Variants in FHOD3 observed in about 807,000 individuals in gnomAD.
FHOD3 encodes the protein FH1/FH2 domain-containing protein 3.
In FHOD3, 90 loss-of-function variants were observed where a neutral mutation model predicts 173.0. The observed-to-expected ratio is 0.52, with a 90% confidence interval of 0.44 to 0.62. FHOD3 has a LOEUF of 0.62. Ranked by LOEUF, FHOD3 falls within the 20% of genes least tolerant of loss-of-function variation. The pLI, the probability that FHOD3 is intolerant of heterozygous loss-of-function variation, is 0.00. For synonymous variants in FHOD3, 828 were observed against 823.0 expected, an observed-to-expected ratio of 1.01 and a Z score of -0.10; for missense variants, 1,945 against 2,034.7, an observed-to-expected ratio of 0.96 and a Z score of 0.85.
chr18:36,515,893 T>A (rs923048893), intron 5 of FHOD3, among the ~76,000 whole-genome samples: 2 of 152,228 alleles, frequency 1.3e-5, no homozygotes, highest in African/African-American at 4.8e-5. Context: ...TGCCTTTGCA[T>A]GCCTATGTCT....
At chr18:36,763,495 TATATA>T (rs564957799) in intron 27 of FHOD3, among the ~76,000 whole-genome samples, 85 of 142,646 alleles carry the variant, frequency 6.0e-4, no homozygotes, top group South Asian at 3.0e-3. Flanking sequence ...ATACACGTTA[TATATA>T]ATATGTGTAT....
intron 9 of FHOD3, among the ~76,000 whole-genome samples, chr18:36,621,936 C>T (rs768711940): frequency 1.3e-5 from 2 of 152,140 alleles, no homozygotes; most frequent in African/African-American, 2.4e-5. Context: ...GTGGAACCAA[C>T]CAAAATGTCC....
chr18:36,546,745 C>G (rs1026230878), intron 5 of FHOD3, among the ~76,000 whole-genome samples: 1 of 152,134 alleles, frequency 6.6e-6, no homozygotes, highest in Non-Finnish European at 1.5e-5. Flanking sequence ...GCACATCATG[C>G]ATTTGGAGTG....
chr18:36,669,426 T>G (rs2037390686), intron 14 of FHOD3, among the ~76,000 whole-genome samples: 1 of 151,994 alleles, frequency 6.6e-6, no homozygotes, highest in South Asian at 2.1e-4. Context: ...AACCATTTAA[T>G]GTGATTATTG....
In FHOD3 at chr18:36,611,995, T is replaced by C. The variant is rs978135845; in HGVS notation, c.857T>C (p.Val286Ala). The C allele has an allele frequency of 3.1e-6, 5 of 1,614,118 alleles. No homozygotes were observed. The highest frequency in any genetic ancestry group is 3.4e-6 in the Non-Finnish European group (4 of 1,180,004). ...LPDQDTFYDVVDCLEELGIAA... is the reference protein window; with the variant it reads ...LPDQDTFYDVADCLEELGIAA... ...GACCAAGACACCTTCTACGACGTCG[T>C]GGACTGCCTGGAGGAGCTGGGCATT... Residue 286 changes from valine to alanine, a missense_variant, in exon 9 of 29, where the codon GTG becomes GCG. Physicochemically the swap from Val to Ala is moderately conservative, Grantham distance 64. Around this residue, in one of 5 missense-constraint regions of FHOD3, gnomAD observed 1,099 missense variants for 1,051.2 expected, o/e 1.05. Transcript: ENST00000590592.
At chr18:36,474,557 T>C (rs1386862944) in intron 3 of FHOD3, among the ~76,000 whole-genome samples, 1 of 152,054 alleles carries the variant, frequency 6.6e-6, no homozygotes, top group African/African-American at 2.4e-5. Flanking sequence ...AGCCTGGCAG[T>C]CCCTGGAATC....
At chr18:36,438,709 G>A (rs58221673) in intron 3 of FHOD3, among the ~76,000 whole-genome samples, 1,899 of 152,268 alleles carry the variant, frequency 0.012, 35 homozygotes, top group African/African-American at 0.043. Context: ...AGTGCTCTCC[G>A]TCCATGCCCT....
chr18:36,653,027 T>C (rs774222168), intron 12 of FHOD3, 98 bp downstream of exon 12: 71 of 1,428,740 alleles, frequency 5.0e-5, no homozygotes, highest in Non-Finnish European at 6.5e-5. Context: ...CCATGTTTTT[T>C]TGTGGATTTC....
intron 24 of FHOD3, 107 bp from the exon 25 acceptor site, chr18:36,755,012 A>ATTATTAT (rs1600573668): frequency 8.6e-6 from 2 of 231,260 alleles, no homozygotes; most frequent in South Asian, 2.4e-4. Context: ...TATTATTATT[A>ATTATTAT]TTATTTATTT....
chr18:36,306,673 G>C (rs2092108426), intron 1 of FHOD3, among the ~76,000 whole-genome samples: 1 of 152,188 alleles, frequency 6.6e-6, no homozygotes, highest in African/African-American at 2.4e-5. Context: ...CATGAAGGCA[G>C]AGTTTTTTGT....
In FHOD3 at chr18:36,594,826, G is replaced by A. The variant is rs551483382; in HGVS notation, c.646G>A (p.Val216Ile). The A allele has an allele frequency of 1.1e-4, 178 of 1,613,914 alleles. No individual in the cohort carries two copies. The Middle Eastern group carries it at 1.7e-3, about 15-fold the overall frequency. Residue 216 changes from valine to isoleucine, a missense_variant, in exon 7 of 29, where the codon GTC becomes ATC. Around this residue, in one of 5 missense-constraint regions of FHOD3, gnomAD observed 16 missense variants for 34.0 expected, o/e 0.47. Coordinates refer to ENST00000590592, the MANE Select transcript of FHOD3 (RefSeq NM_001281740.3). Reference protein sequence around the residue: ...VVKTALKLLLVFVEYSESNAP... With the variant: ...VVKTALKLLLIFVEYSESNAP... ...GAAGACAGCCCTGAAGCTGCTGCTC[G>A]TCTTTGTAGAGTACTCGGAGTCCAA...
Position 36,707,636 on chromosome 18 carries a change from C to T in FHOD3, c.2237-1459C>T, listed in dbSNP as rs191472289. On this transcript the variant is annotated intron_variant, in intron 17 of 28. Coordinates refer to ENST00000590592, the MANE Select transcript of FHOD3 (RefSeq NM_001281740.3). The stretch of plus-strand genomic sequence containing the variant: ...TGGGAAGCTGGGGTTAGCTGGGCCC[C>T]CTGCCTAGTGAGGCCTGAATGTCCC... Among the ~76,000 whole-genome samples, 19 of 152,294 alleles carry T rather than the reference C, an allele frequency of 1.2e-4. No homozygotes were observed. The East Asian group carries it at 3.3e-3, about 26-fold the overall frequency.
intron 4 of FHOD3, among the ~76,000 whole-genome samples, chr18:36,511,357 G>GTTTTTTTTTT (rs760692797): frequency 1.4e-5 from 2 of 143,608 alleles, no homozygotes; most frequent in Non-Finnish European, 1.5e-5. Flanking sequence ...TCTTGCCAAT[G>GTTTTTTTTTT]TTTTTTTTTT....
chr18:36,438,622 C>G (rs112142625), intron 3 of FHOD3, among the ~76,000 whole-genome samples: 1 of 152,178 alleles, frequency 6.6e-6, no homozygotes. Context: ...GGCAGTCACC[C>G]GACCCAGAGG....
chr18:36,654,210 G>A (rs971730198), intron 13 of FHOD3, among the ~76,000 whole-genome samples: 4 of 152,152 alleles, frequency 2.6e-5, no homozygotes, highest in African/African-American at 7.2e-5. Flanking sequence ...TGTTTTAAAT[G>A]AAGGCTTATA....
intron 13 of FHOD3, among the ~76,000 whole-genome samples, chr18:36,655,537 T>C (rs961473678): frequency 6.6e-6 from 1 of 152,218 alleles, no homozygotes; most frequent in Non-Finnish European, 1.5e-5. Flanking sequence ...TTGATTTAAC[T>C]GAGCAAAGTT....
In FHOD3 at chr18:36,653,582, A is replaced by C. The variant is rs17680285; in HGVS notation, c.1721+166A>C. Among the ~76,000 whole-genome samples, 7,936 of 152,264 alleles carry C rather than the reference A, an allele frequency of 0.052. 379 individuals are homozygous for C. Among genetic ancestry groups the C allele is most frequent in the East Asian group, 0.24 (1,239 of 5,170 alleles). On this transcript the variant is annotated intron_variant, in intron 13 of 28. Coordinates refer to ENST00000590592, the MANE Select transcript of FHOD3 (RefSeq NM_001281740.3). ...TTACGTATTTTACTATGAACACTTA[A>C]ATCTTATAAAAAATGGAGATGAGGG...
chr18:36,300,603 A>G (rs1255201055), intron 1 of FHOD3, among the ~76,000 whole-genome samples: 1 of 152,158 alleles, frequency 6.6e-6, no homozygotes, highest in African/African-American at 2.4e-5. Flanking sequence ...GGTATTGACA[A>G]GAAGTGGAGT....
At chr18:36,359,270 G>T (rs2046500049) in intron 2 of FHOD3, among the ~76,000 whole-genome samples, 1 of 152,132 alleles carries the variant, frequency 6.6e-6, no homozygotes, top group Non-Finnish European at 1.5e-5. Flanking sequence ...CTTTGTTCTT[G>T]TCCATTACCC....
Sources: gnomAD v4.1 joint callset for allele counts (sites outside exome capture counted in the v4.1 genomes callset) on GRCh38, gnomAD v4.1.1 for gene constraint, gnomAD v4.1.1 regional missense constraint, MANE v1.5 for transcripts, NCBI Gene and HGNC (gene_info 2026-07-23, HGNC 2026-07-21) for gene names.